Variants in TTC28 observed in about 807,000 individuals in gnomAD.
TTC28 encodes tetratricopeptide repeat protein 28.
Under a neutral mutation model 198.0 loss-of-function variants are expected in TTC28, and 61 were observed. The ratio of observed to expected loss-of-function variants is 0.31; its 90% CI spans 0.25 to 0.38. TTC28 has a LOEUF of 0.38. TTC28 is among the 10% of genes least tolerant of loss of function. The probability of loss-of-function intolerance (pLI) is 1.00; values close to 1 mark genes in which losing one functional copy is unlikely to be tolerated. For synonymous variants in TTC28, 1,171 were observed against 1,297.8 expected (o/e 0.90, Z 2.10); for missense variants, 2,678 against 3,164.0 (o/e 0.85, Z 3.69).
intron 6 of TTC28, among the ~76,000 whole-genome samples, chr22:28,128,989 C>T (rs1942987186): frequency 6.6e-6 from 1 of 152,184 alleles, no homozygotes; most frequent in South Asian, 2.1e-4. Context: ...GAACTGTGCT[C>T]ATAAAGATTG....
intron 2 of TTC28, among the ~76,000 whole-genome samples, chr22:28,422,501 C>T (rs181487646): frequency 3.8e-4 from 58 of 151,608 alleles, no homozygotes; most frequent in African/African-American, 1.2e-3. Flanking sequence ...TGCAGTGGCG[C>T]GATCTCGGTT....
intron 18 of TTC28, 161 bp downstream of exon 18, chr22:27,993,126 G>A: frequency 4.6e-6 from 3 of 657,166 alleles, no homozygotes; most frequent in Non-Finnish European, 7.6e-6. Flanking sequence ...TCCTCCAGGT[G>A]TGGAGATGCT....
rs1936974038 is a variant in TTC28 at position 27,980,527 on chromosome 22, G to A, written c.*1694C>T. The A allele has an allele frequency of 6.6e-6, 1 of 152,230 alleles. No homozygotes were observed. Among genetic ancestry groups the A allele is most frequent in the African/African-American group, 2.4e-5 (1 of 41,454 alleles). The allele number at this position is 152,230 out of a possible 1,614,324, so 9.4% of individuals were successfully genotyped here. ...CACTGAGGAACAGGTGAGATTGTCAGTGTATGCGCAGAAGCTGAGATCCCA... is the reference window on the plus strand; with the variant it reads ...CACTGAGGAACAGGTGAGATTGTCAATGTATGCGCAGAAGCTGAGATCCCA... On this transcript the variant is annotated 3_prime_UTR_variant, in exon 23 of 23. Coordinates refer to ENST00000397906, the MANE Select transcript of TTC28 (RefSeq NM_001145418.2).
At chr22:28,581,805 A>G (rs1340541357) in intron 2 of TTC28, among the ~76,000 whole-genome samples, 1 of 152,206 alleles carries the variant, frequency 6.6e-6, no homozygotes, top group East Asian at 1.9e-4. Flanking sequence ...TTTCATATGT[A>G]TCTATGTTAC....
At chr22:28,249,448 T>C (rs1361573676) in intron 5 of TTC28, among the ~76,000 whole-genome samples, 3 of 152,182 alleles carry the variant, frequency 2.0e-5, no homozygotes, top group Non-Finnish European at 2.9e-5. Flanking sequence ...CACAGGTGAT[T>C]TAAAATCTTT....
chr22:28,251,131 T>C (rs1930477986), intron 5 of TTC28, among the ~76,000 whole-genome samples: 1 of 152,200 alleles, frequency 6.6e-6, no homozygotes, highest in Non-Finnish European at 1.5e-5. Flanking sequence ...TTTATGCCTC[T>C]AATTAATTAA....
intron 11 of TTC28, among the ~76,000 whole-genome samples, chr22:28,095,775 C>A (rs1200065050): frequency 6.6e-6 from 1 of 152,164 alleles, no homozygotes; most frequent in African/African-American, 2.4e-5. Flanking sequence ...TGTGATAGAG[C>A]TGCCATTATC....
intron 1 of TTC28, among the ~76,000 whole-genome samples, chr22:28,630,816 G>C (rs569994652): frequency 6.6e-6 from 1 of 152,210 alleles, no homozygotes; most frequent in Admixed American, 6.5e-5. Flanking sequence ...ATGTATATTT[G>C]TATTTGTATT....
chr22:28,020,029 GC>G (rs1252626927), intron 13 of TTC28, among the ~76,000 whole-genome samples: 22 of 152,244 alleles, frequency 1.4e-4, no homozygotes, highest in African/African-American at 5.1e-4. Context: ...ACCAGAGAGA[GC>G]AAGAGACCTG....
intron 2 of TTC28, among the ~76,000 whole-genome samples, chr22:28,621,568 T>TA (rs900194538): frequency 1.0e-4 from 15 of 147,826 alleles, no homozygotes; most frequent in Admixed American, 8.8e-4. Context: ...ATAATAATAA[T>TA]AAAAAAAATA....
At chr22:28,169,678 G>T (rs1922446429) in intron 5 of TTC28, among the ~76,000 whole-genome samples, 1 of 152,082 alleles carries the variant, frequency 6.6e-6, no homozygotes, top group African/African-American at 2.4e-5. Context: ...TGTGGGTTGT[G>T]GGGAGCGGGG....
chr22:28,490,060 C>T (rs1036956894), intron 2 of TTC28, among the ~76,000 whole-genome samples: 11 of 152,122 alleles, frequency 7.2e-5, no homozygotes, highest in Admixed American at 3.3e-4. Context: ...AGTCTTTTCA[C>T]GTTTTTCTGC....
intron 2 of TTC28, among the ~76,000 whole-genome samples, chr22:28,501,996 T>C (rs2048544010): frequency 6.6e-6 from 1 of 152,218 alleles, no homozygotes; most frequent in Non-Finnish European, 1.5e-5. Context: ...CTAAAAGCAT[T>C]CTCTAGTATC....
intron 2 of TTC28, among the ~76,000 whole-genome samples, chr22:28,523,857 A>T (rs2048955613): frequency 6.6e-6 from 1 of 152,198 alleles, no homozygotes; most frequent in Non-Finnish European, 1.5e-5. Flanking sequence ...CGTTTTATAA[A>T]ATGCTTAATA....
intron 6 of TTC28, among the ~76,000 whole-genome samples, chr22:28,152,368 G>A (rs935137413): frequency 6.6e-6 from 1 of 152,114 alleles, no homozygotes; most frequent in African/African-American, 2.4e-5. Context: ...GGGAGAAGGA[G>A]CGTCTTTGGC....
chr22:28,296,091 A>C, intron 5 of TTC28, 107 bp downstream of exon 5: 1 of 1,210,028 alleles, frequency 8.3e-7, no homozygotes, highest in African/African-American at 1.5e-5. Context: ...CTTTCTTCTG[A>C]AAGTAATATT....
chr22:28,487,638 C>G (rs1468107285), intron 2 of TTC28, among the ~76,000 whole-genome samples: 1 of 152,108 alleles, frequency 6.6e-6, no homozygotes, highest in African/African-American at 2.4e-5. Context: ...GGATATATAA[C>G]TGACATAATT....
At chr22:28,013,197 A>C (rs1156401336) in intron 14 of TTC28, among the ~76,000 whole-genome samples, 1 of 152,224 alleles carries the variant, frequency 6.6e-6, no homozygotes, top group Non-Finnish European at 1.5e-5. Context: ...AGCAGAAGAG[A>C]GAGCTGCTGA....
intron 12 of TTC28, among the ~76,000 whole-genome samples, chr22:28,074,422 C>T (rs954969793): frequency 6.6e-6 from 1 of 152,172 alleles, no homozygotes; most frequent in African/African-American, 2.4e-5. Flanking sequence ...AGAATCCCAC[C>T]CTGTCCCTTC....
Sources: allele counts gnomAD v4.1 joint callset (sites outside exome capture counted in the v4.1 genomes callset), GRCh38; gene constraint gnomAD v4.1.1; transcripts MANE v1.5; gene names NCBI Gene and HGNC (gene_info 2026-07-23, HGNC 2026-07-21).